The following ECM2 variants were observed in gnomAD, a reference collection of about 807,000 sequenced individuals.
ECM2 encodes the protein extracellular matrix protein 2.
In ECM2, 57 loss-of-function variants were observed where a neutral mutation model predicts 67.5. The ratio of observed to expected loss-of-function variants is 0.84; its 90% CI spans 0.68 to 1.05. The LOEUF is 1.05. Among genes scored for constraint, ECM2 ranks in the 50% least tolerant of loss-of-function variants. The probability of loss-of-function intolerance (pLI) is 0.00; values close to 1 mark genes in which losing one functional copy is unlikely to be tolerated. For synonymous variants in ECM2, 258 were observed against 294.5 expected (o/e 0.88, Z 1.27); for missense variants, 741 against 822.8 (o/e 0.90, Z 1.22).
chr9:92,509,785 G>A (rs1847225055), intron 6 of ECM2, 114 bp downstream of exon 6: 1 of 1,156,146 alleles, frequency 8.6e-7, no homozygotes, highest in Admixed American at 3.5e-5. Flanking sequence ...ATGGTTAAGT[G>A]ACCTAAAAAT....
chr9:92,557,152 A>G, the ECM2 span, among the ~76,000 whole-genome samples: 3 of 152,194 alleles, frequency 2.0e-5, no homozygotes, highest in African/African-American at 4.8e-5. Context: ...TAGGGTCCCA[A>G]TCCCTTCTAG....
intron 1 of ECM2, among the ~76,000 whole-genome samples, chr9:92,532,015 G>GTTTTTTTTGTTTTTTTTTTTT (rs1563990161): frequency 4.2e-5 from 4 of 95,736 alleles, no homozygotes; most frequent in Non-Finnish European, 7.8e-5. Context: ...TTTATTTAAT[G>GTTTTTTTTGTTTTTTTTTTTT]TTTTTTTTTT....
intron 1 of ECM2, among the ~76,000 whole-genome samples, chr9:92,523,604 G>A (rs182196346): frequency 5.9e-5 from 9 of 152,300 alleles, no homozygotes; most frequent in Non-Finnish European, 1.3e-4. Flanking sequence ...AGATGTTTAG[G>A]GCGAAACAGT....
At chr9:92,501,076 C>T (rs371112363) in intron 8 of ECM2, 23 bp from the exon 9 acceptor site, 1 of 1,606,440 alleles carries the variant, frequency 6.2e-7, no homozygotes. Flanking sequence ...AAAAAGTAAA[C>T]AGGGTAGGGA....
Position 92,495,374 on chromosome 9 carries a change from C to G in ECM2, c.*941G>C. Reference sequence around the variant, plus strand: ...GGGCCAATACATAGTAAAGACATAGCTTTATTTCAATTGAACCGAATAAAA... The same window carrying G: ...GGGCCAATACATAGTAAAGACATAGGTTTATTTCAATTGAACCGAATAAAA... On this transcript the variant is annotated 3_prime_UTR_variant, in exon 10 of 10. Coordinates refer to ENST00000344604, the MANE Select transcript of ECM2 (RefSeq NM_001393.4). 1.0e-6 allele frequency: 1 copy of G among 978,388 alleles called. No individual in the cohort carries two copies. Among genetic ancestry groups the G allele is most frequent in the Non-Finnish European group, 1.2e-6 (1 of 823,656 alleles). 60.6% of individuals were successfully genotyped at this position (978,388 alleles called of 1,614,324 possible).
chr9:92,539,334 C>G (rs1849262274), upstream of ECM2: 1 of 150,356 alleles, frequency 6.7e-6, no homozygotes, highest in South Asian at 2.1e-4. Context: ...GTTTCTCCCG[C>G]CTTCCCCCGC....
chr9:92,543,638 G>T, the ECM2 span, among the ~76,000 whole-genome samples: 1 of 151,992 alleles, frequency 6.6e-6, no homozygotes, highest in East Asian at 1.9e-4. Flanking sequence ...AACACTTTGG[G>T]TAGTATAGTC....
intron 1 of ECM2, among the ~76,000 whole-genome samples, chr9:92,534,918 C>T (rs1473020542): frequency 6.6e-6 from 1 of 152,160 alleles, no homozygotes; most frequent in Non-Finnish European, 1.5e-5. Flanking sequence ...CCTCGAGGCT[C>T]TAGAGTTAAA....
intron 6 of ECM2, among the ~76,000 whole-genome samples, chr9:92,509,322 T>C (rs1229567203): frequency 1.3e-5 from 2 of 152,186 alleles, no homozygotes; most frequent in African/African-American, 4.8e-5. Flanking sequence ...AGCATGTGCT[T>C]TCTTTGTAGG....
chr9:92,517,363 G>C (rs1847793334), intron 3 of ECM2: 1 of 505,026 alleles, frequency 2.0e-6, no homozygotes, highest in Non-Finnish European at 3.5e-6. Context: ...GACCAAAGCA[G>C]AGCCCTTAAT....
chr9:92,529,181 G>A (rs1255000793), intron 1 of ECM2, among the ~76,000 whole-genome samples: 1 of 152,150 alleles, frequency 6.6e-6, no homozygotes, highest in African/African-American at 2.4e-5. Flanking sequence ...ATCCACAATT[G>A]TCATCCAAAA....
chr9:92,494,573 T>G (rs1179879943), downstream of ECM2, among the ~76,000 whole-genome samples: 3 of 152,186 alleles, frequency 2.0e-5, no homozygotes, highest in Non-Finnish European at 4.4e-5. Flanking sequence ...TTATAATCTC[T>G]GAATCCTACC....
chr9:92,510,160 G>A, intron 5 of ECM2, 126 bp from the exon 6 acceptor site: 1 of 1,026,236 alleles, frequency 9.7e-7, no homozygotes, highest in Non-Finnish European at 1.3e-6. Flanking sequence ...GTAATGTCCA[G>A]GCCACACAGC....
intron 1 of ECM2, among the ~76,000 whole-genome samples, chr9:92,533,328 A>ATATAT (rs1247921787): frequency 2.6e-5 from 1 of 38,338 alleles, no homozygotes; most frequent in Non-Finnish European, 4.3e-5. Flanking sequence ...AAAAAAAAAA[A>ATATAT]ATATATATAT....
chr9:92,515,012 CTG>C lies in ECM2; in HGVS notation c.671_672del (p.Thr224ArgfsTer8), dbSNP rs745475391. ...GATTCAGGGGTCTCTCTCTTTTGCT[CTG>C]TATCTTCTTCTTTCACTTCTTCATC... is the stretch of plus-strand genomic sequence containing the variant. ...EEDEEVKEED[T>X]EQKRETPESR... On this transcript the variant is annotated frameshift_variant, in exon 4 of 10. Coordinates refer to ENST00000344604, the MANE Select transcript of ECM2 (RefSeq NM_001393.4). LOFTEE classifies it high-confidence loss of function. 53 of 1,614,030 alleles carry C rather than the reference CTG, an allele frequency of 3.3e-5. No homozygotes were observed. In the Admixed American group the frequency reaches 8.2e-4, roughly 25 times the overall value.
At position 92,532,021 on chromosome 9, in the gene ECM2, T is replaced by A. The variant is rs910066314; in HGVS notation, c.-28+3912A>T. Reference sequence around the variant, plus strand: ...TTTTCTTTTTTTATTTAATGTTTTTTTTTTTTTATTTTATTTTTTTTTTGA... The same window carrying A: ...TTTTCTTTTTTTATTTAATGTTTTTATTTTTTTATTTTATTTTTTTTTTGA... On this transcript the variant is annotated intron_variant, in intron 1 of 9. Coordinates refer to ENST00000344604, the MANE Select transcript of ECM2 (RefSeq NM_001393.4). Among the ~76,000 whole-genome samples the A allele has an allele frequency of 3.5e-4, 44 of 127,256 alleles. 1 individual carries two copies. The highest frequency in any genetic ancestry group is 2.6e-3 in the East Asian group (13 of 4,924). The allele number at this position is 127,256 out of a possible 152,430, so 83.5% of individuals were successfully genotyped here. A position where few individuals can be genotyped will look rare whatever the true frequency, so the allele number is the denominator to read the frequency against.
chr9:92,525,826 G>A lies in ECM2; in HGVS notation c.-27-2933C>T, dbSNP rs117521165. ...AATCGCTTAAACCCGGGAGGCGGAGGTTGCACTGAGTAGCTAGGACTACAG... is the reference window on the plus strand; with the variant it reads ...AATCGCTTAAACCCGGGAGGCGGAGATTGCACTGAGTAGCTAGGACTACAG... On this transcript the variant is annotated intron_variant, in intron 1 of 9. Coordinates refer to ENST00000344604, the MANE Select transcript of ECM2 (RefSeq NM_001393.4). 4.9e-3 allele frequency among the ~76,000 whole-genome samples: 724 copies of A among 147,384 alleles called. 6 individuals carry two copies. Among genetic ancestry groups the A allele is most frequent in the Non-Finnish European group, 6.8e-3 (462 of 67,448 alleles).
downstream of ECM2, among the ~76,000 whole-genome samples, chr9:92,494,501 C>A (rs924356097): frequency 3.3e-5 from 5 of 152,146 alleles, no homozygotes; most frequent in African/African-American, 9.7e-5. Context: ...TCCTAACAAC[C>A]TGCTATAAGT....
chr9:92,512,154 G>T (rs762010252), intron 4 of ECM2, 28 bp from the exon 5 acceptor site: 4 of 1,505,942 alleles, frequency 2.7e-6, no homozygotes, highest in Non-Finnish European at 2.8e-6. Flanking sequence ...TATGTTTTAG[G>T]CATGTGTGCA....
Sources: gnomAD v4.1 joint callset for allele counts (sites outside exome capture counted in the v4.1 genomes callset) on GRCh38, gnomAD v4.1.1 for gene constraint, MANE v1.5 for transcripts, NCBI Gene and HGNC (gene_info 2026-07-23, HGNC 2026-07-21) for gene names.